Variants in HTT observed in about 807,000 individuals in gnomAD.
HTT encodes huntingtin, also known as huntington disease protein.
Under a neutral mutation model 362.3 loss-of-function variants are expected in HTT, and 104 were observed. The ratio of observed to expected loss-of-function variants is 0.29; its 90% CI spans 0.24 to 0.34. HTT has a LOEUF of 0.34. HTT is among the 10% of genes least tolerant of loss of function. The pLI is 1.00. For missense variants in HTT, 3,301 were observed against 3,928.6 expected (o/e 0.84, Z 4.27); for synonymous variants, 1,577 against 1,548.7 (o/e 1.02, Z -0.43).
intron 46 of HTT, among the ~76,000 whole-genome samples, chr4:3,209,181 A>G (rs929792985): frequency 3.9e-5 from 6 of 152,120 alleles, no homozygotes; most frequent in African/African-American, 1.2e-4. Context: ...CAGGCCCCTG[A>G]CTGCACAGGC....
intron 21 of HTT, among the ~76,000 whole-genome samples, chr4:3,139,388 G>A (rs921255039): frequency 6.6e-6 from 1 of 152,114 alleles, no homozygotes; most frequent in African/African-American, 2.4e-5. Flanking sequence ...AGTAGAGATG[G>A]GGTTTTGCCA....
chr4:3,176,138 C>T (rs1278931862), intron 33 of HTT, among the ~76,000 whole-genome samples: 1 of 151,542 alleles, frequency 6.6e-6, no homozygotes, highest in East Asian at 1.9e-4. Flanking sequence ...CGCCATTCTC[C>T]TGCCTCAGCC....
At chr4:3,160,707 A>G (rs1488738591) in intron 29 of HTT, among the ~76,000 whole-genome samples, 5 of 152,076 alleles carry the variant, frequency 3.3e-5, no homozygotes, top group African/African-American at 1.2e-4. Flanking sequence ...TTCAAGTGGA[A>G]AGGGGCAAAA....
In HTT at chr4:3,127,392, G is replaced by C; in HGVS notation, c.1531G>C (p.Asp511His). 1 of 1,614,164 alleles carries C rather than the reference G, an allele frequency of 6.2e-7. No homozygotes were observed. The highest frequency in any genetic ancestry group is 8.5e-7 in the Non-Finnish European group (1 of 1,180,046). ...GCACACACTGCAGGCGGACTCAGTG[G>C]ATCTGGCCAGCTGTGACTTGACAAG... is the stretch of plus-strand genomic sequence containing the variant. ...SQHTLQADSV[D>H]LASCDLTSSA... Residue 511 changes from aspartate to histidine, a missense_variant, in exon 12 of 67, where the codon GAT becomes CAT. Around this residue, in one of 4 missense-constraint regions of HTT, gnomAD observed 2,316 missense variants for 2,658.5 expected, o/e 0.87. Coordinates refer to ENST00000355072, the MANE Select transcript of HTT (RefSeq NM_001388492.1).
rs773318017 is a variant in HTT, at chr4:3,127,521, G to T, written c.1660G>T (p.Ala554Ser). The T allele has an allele frequency of 4.3e-6, 7 of 1,614,212 alleles. No individual in the cohort carries two copies. In the South Asian group the frequency reaches 7.7e-5, roughly 18 times the overall value. Residue 554 changes from alanine to serine, a missense_variant, in exon 12 of 67, where the codon GCC becomes TCC. Coordinates refer to ENST00000355072, the MANE Select transcript of HTT (RefSeq NM_001388492.1). Reference protein sequence around the residue: ...PAMDLNDGTQASSPISDSSQT... With the variant: ...PAMDLNDGTQSSSPISDSSQT... ...CATGGACCTGAATGATGGGACCCAG[G>T]CCTCGTCGCCCATCAGCGACAGCTC...
intron 35 of HTT, 77 bp downstream of exon 35, chr4:3,178,523 T>G: frequency 1.5e-6 from 2 of 1,336,416 alleles, no homozygotes; most frequent in Non-Finnish European, 2.1e-6. Flanking sequence ...ATACCCACTT[T>G]GAACGTTGTC....
At chr4:3,120,740 G>A (rs929737430) in intron 8 of HTT, among the ~76,000 whole-genome samples, 1 of 152,202 alleles carries the variant, frequency 6.6e-6, no homozygotes, top group East Asian at 1.9e-4. Flanking sequence ...TGGAAAAATT[G>A]TCTCCCATGA....
In HTT at chr4:3,241,144, A is replaced by G. The variant is rs1721783877; in HGVS notation, c.*1085A>G. 1 of 152,272 alleles carries G rather than the reference A, an allele frequency of 6.6e-6. No individual in the cohort carries two copies. The highest frequency in any genetic ancestry group is 6.5e-5 in the Admixed American group (1 of 15,280). 9.4% of individuals were successfully genotyped at this position (152,272 alleles called of 1,614,324 possible). ...GGTGTTGGGACCTGCTGCTCCATGG[A>G]TGCATGCCCTAAGAGTGTCACTGAG... On this transcript the variant is annotated 3_prime_UTR_variant, in exon 67 of 67. Coordinates refer to ENST00000355072, the MANE Select transcript of HTT (RefSeq NM_001388492.1).
At chr4:3,135,874 A>C in intron 19 of HTT, 30 bp from the exon 20 acceptor site, 2 of 1,569,524 alleles carry the variant, frequency 1.3e-6, no homozygotes, top group Non-Finnish European at 1.7e-6. Flanking sequence ...TAACTAAATG[A>C]TTTCATTGTT....
At chr4:3,139,984 G>C (rs1716259834) in intron 21 of HTT, among the ~76,000 whole-genome samples, 1 of 152,202 alleles carries the variant, frequency 6.6e-6, no homozygotes, top group Admixed American at 6.5e-5. Flanking sequence ...AGCTGGGCGT[G>C]GGGGCTCACG....
At chr4:3,142,666 A>G in intron 22 of HTT, 100 bp from the exon 23 acceptor site, 1 of 625,320 alleles carries the variant, frequency 1.6e-6, no homozygotes, top group Non-Finnish European at 2.7e-6. Context: ...AGACTGCTTA[A>G]CTTTTTTTAA....
chr4:3,080,981 G>A (rs912156927), intron 1 of HTT, among the ~76,000 whole-genome samples: 2 of 152,152 alleles, frequency 1.3e-5, no homozygotes, highest in African/African-American at 4.8e-5. Flanking sequence ...ATACAGTCTT[G>A]ATTACTGAAG....
rs141104472 is a variant in HTT, at chr4:3,133,467, G to A, written c.2493+556G>A. Among the ~76,000 whole-genome samples the A allele has an allele frequency of 1.4e-3, 204 of 150,252 alleles. 1 individual carries two copies. Among genetic ancestry groups the A allele is most frequent in the African/African-American group, 4.8e-3 (196 of 40,748 alleles). ...GGCGTGGTTACACCACTGCCCTCTA[G>A]CCTGGGCAACAGAGTGAGACTGTCT... On this transcript the variant is annotated intron_variant, in intron 18 of 66. Coordinates refer to ENST00000355072, the MANE Select transcript of HTT (RefSeq NM_001388492.1).
At chr4:3,088,891 T>C (rs1354287117) in intron 2 of HTT, among the ~76,000 whole-genome samples, 1 of 152,262 alleles carries the variant, frequency 6.6e-6, no homozygotes, top group African/African-American at 2.4e-5. Flanking sequence ...TTCTGTCTAA[T>C]TTGTGGAAAT....
chr4:3,229,777 T>A lies in HTT; in HGVS notation c.8110-110T>A, dbSNP rs114863381. On this transcript the variant is annotated intron_variant, in intron 59 of 66. Coordinates refer to ENST00000355072, the MANE Select transcript of HTT (RefSeq NM_001388492.1). ...CGCACACATGCGTCCCGCACAGTAA[T>A]GTCTCTTGGGTGTAAGAACACGACT... The A allele has an allele frequency of 2.6e-6, 3 of 1,168,726 alleles. No homozygotes were observed. In the Admixed American group the frequency reaches 5.3e-5, roughly 21 times the overall value. 72.4% of individuals were successfully genotyped at this position (1,168,726 alleles called of 1,614,324 possible). A position where few individuals can be genotyped will look rare whatever the true frequency, so the allele number is the denominator to read the frequency against.
rs1252542520 is a variant in HTT, at chr4:3,103,028, C to T, written c.469-796C>T. Among the ~76,000 whole-genome samples, 5 of 151,880 alleles carry T rather than the reference C, an allele frequency of 3.3e-5. No individual in the cohort carries two copies. The East Asian group carries it at 5.8e-4, about 18-fold the overall frequency. On this transcript the variant is annotated intron_variant, in intron 3 of 66. Coordinates refer to ENST00000355072, the MANE Select transcript of HTT (RefSeq NM_001388492.1). ...ACCTGCAGAAAAGGATGCAGGACTC[C>T]GCCTTGGGAAGTGTTCTAGGCCAGA...
chr4:3,142,376 C>A (rs1252242564), intron 22 of HTT, among the ~76,000 whole-genome samples: 1 of 151,932 alleles, frequency 6.6e-6, no homozygotes, highest in African/African-American at 2.4e-5. Flanking sequence ...TTGTATATAA[C>A]TATAATGGGG....
chr4:3,121,663 G>T, intron 9 of HTT: 1 of 215,296 alleles, frequency 4.6e-6, no homozygotes, highest in Non-Finnish European at 8.6e-6. Context: ...AGGAGTTTGA[G>T]ACAACCTGGC....
At chr4:3,115,499 CT>C in intron 7 of HTT, 54 bp downstream of exon 7, 3 of 1,411,304 alleles carry the variant, frequency 2.1e-6, no homozygotes, top group Admixed American at 1.9e-5. Flanking sequence ...CAAGATAGAC[CT>C]TTGAAATAAA....
Sources: allele counts gnomAD v4.1 joint callset (sites outside exome capture counted in the v4.1 genomes callset), GRCh38; gene constraint gnomAD v4.1.1; regional missense constraint gnomAD v4.1.1; transcripts MANE v1.5; gene names NCBI Gene and HGNC (gene_info 2026-07-23, HGNC 2026-07-21).